The following RFX3 variants were observed in gnomAD, a reference collection of about 807,000 sequenced individuals.
The protein encoded by RFX3 is regulatory factor X3.
A neutral mutation model predicts 98.6 loss-of-function variants in RFX3; 14 were observed. The ratio of observed to expected loss-of-function variants is 0.14; its 90% CI spans 0.09 to 0.22. RFX3 has a LOEUF of 0.22. Among genes scored for constraint, RFX3 ranks in the 10% least tolerant of loss-of-function variants. The pLI is 1.00. For synonymous variants in RFX3, 383 were observed against 328.4 expected, an observed-to-expected ratio of 1.17 and a Z score of -1.80; for missense variants, 639 against 926.9, an observed-to-expected ratio of 0.69 and a Z score of 4.03.
rs150207550 is a variant in RFX3, at chr9:3,512,035, T to C, written c.-9+13712A>G. Among the ~76,000 whole-genome samples, 54 of 152,218 alleles carry C rather than the reference T, an allele frequency of 3.5e-4. 1 individual carries two copies. The East Asian group carries it at 9.1e-3, about 26-fold the overall frequency. On this transcript the variant is annotated intron_variant, in intron 1 of 16. Transcript: ENST00000617270. ...ACTCTTACGTGACTACTATGCTTTG[T>C]ATGCATGTATCGAAATATCCCTTAA...
intron 1 of RFX3, among the ~76,000 whole-genome samples, chr9:3,404,434 C>A (rs1998976): frequency 0.18 from 26,827 of 152,052 alleles, 3,917 homozygotes; most frequent in African/African-American, 0.4. Context: ...AATAAGTCAT[C>A]TATACTGAAT....
intron 1 of RFX3, among the ~76,000 whole-genome samples, chr9:3,513,301 A>G (rs1817822142): frequency 6.6e-6 from 1 of 152,172 alleles, no homozygotes; most frequent in Non-Finnish European, 1.5e-5. Context: ...CAGAATATGC[A>G]GAATATGGTG....
At chr9:3,404,515 T>C (rs943420493) in intron 1 of RFX3, among the ~76,000 whole-genome samples, 1 of 152,128 alleles carries the variant, frequency 6.6e-6, no homozygotes, top group Non-Finnish European at 1.5e-5. Flanking sequence ...TCCTTCCAAT[T>C]TGGTATGAAG....
intron 1 of RFX3, among the ~76,000 whole-genome samples, chr9:3,506,114 C>G (rs1817066611): frequency 1.3e-5 from 2 of 151,150 alleles, no homozygotes; most frequent in South Asian, 4.2e-4. Context: ...ACAAACGGCA[C>G]TAAATTCAGC....
At chr9:3,290,763 G>C (rs1478854505) in intron 6 of RFX3, among the ~76,000 whole-genome samples, 1 of 152,140 alleles carries the variant, frequency 6.6e-6, no homozygotes, top group African/African-American at 2.4e-5. Context: ...AAATGCTACA[G>C]AAAAGCAATA....
chr9:3,309,314 C>T (rs1289254921), intron 4 of RFX3, among the ~76,000 whole-genome samples: 1 of 152,060 alleles, frequency 6.6e-6, no homozygotes, highest in African/African-American at 2.4e-5. Context: ...ATATAGCAAC[C>T]CTTCTAGGAA....
intron 2 of RFX3, among the ~76,000 whole-genome samples, chr9:3,377,575 C>G (rs560140960): frequency 6.6e-6 from 1 of 152,074 alleles, no homozygotes; most frequent in African/African-American, 2.4e-5. Flanking sequence ...TACCCTAGAA[C>G]TTAAAGTATA....
At chr9:3,516,365 A>T (rs553196005) in intron 1 of RFX3, among the ~76,000 whole-genome samples, 5 of 152,342 alleles carry the variant, frequency 3.3e-5, no homozygotes, top group South Asian at 2.1e-4. Flanking sequence ...AAAATTTTTT[A>T]AAATTTAAGA....
intron 15 of RFX3, among the ~76,000 whole-genome samples, chr9:3,237,725 A>C (rs942961853): frequency 1.3e-5 from 2 of 152,232 alleles, no homozygotes; most frequent in Non-Finnish European, 1.5e-5. Flanking sequence ...GAGAAAACTA[A>C]GACTCAAGCA....
chr9:3,307,850 T>C (rs1829512100), intron 4 of RFX3, among the ~76,000 whole-genome samples: 1 of 152,242 alleles, frequency 6.6e-6, no homozygotes, highest in Non-Finnish European at 1.5e-5. Context: ...GCCTCAGTGA[T>C]ATCTCTCTTC....
intron 1 of RFX3, among the ~76,000 whole-genome samples, chr9:3,420,475 C>A (rs1261195453): frequency 6.6e-6 from 1 of 152,196 alleles, no homozygotes; most frequent in African/African-American, 2.4e-5. Flanking sequence ...AACCCCACAA[C>A]AGCCCTTTTA....
chr9:3,251,311 G>C (rs535715235), intron 14 of RFX3, among the ~76,000 whole-genome samples: 1 of 151,964 alleles, frequency 6.6e-6, no homozygotes, highest in African/African-American at 2.4e-5. Context: ...CCGGGTAGAA[G>C]TTTTTGTATT....
chr9:3,376,234 T>C (rs1280598312), intron 2 of RFX3, among the ~76,000 whole-genome samples: 5 of 152,160 alleles, frequency 3.3e-5, no homozygotes, highest in African/African-American at 4.8e-5. Context: ...ATACTGCTGG[T>C]GGGAATATAA....
intron 3 of RFX3, among the ~76,000 whole-genome samples, chr9:3,332,569 G>A (rs189179000): frequency 5.9e-5 from 9 of 152,206 alleles, no homozygotes; most frequent in African/African-American, 1.7e-4. Context: ...CTCCAACTTT[G>A]CTGCCAGGAG....
intron 4 of RFX3, among the ~76,000 whole-genome samples, chr9:3,312,998 A>C (rs1334228358): frequency 6.6e-6 from 1 of 152,242 alleles, no homozygotes; most frequent in African/African-American, 2.4e-5. Context: ...TCCCTGTCTG[A>C]CAGCTTTGAA....
chr9:3,467,671 A>G (rs187524990), intron 1 of RFX3, among the ~76,000 whole-genome samples: 143 of 152,276 alleles, frequency 9.4e-4, no homozygotes, highest in Middle Eastern at 3.4e-3. Flanking sequence ...AGAGGACAAC[A>G]AAGAGGGTGA....
At chr9:3,341,119 C>T (rs1050174234) in intron 3 of RFX3, among the ~76,000 whole-genome samples, 9 of 151,918 alleles carry the variant, frequency 5.9e-5, no homozygotes, top group Non-Finnish European at 1.2e-4. Context: ...ATGGATGAAA[C>T]TGGAAATCAT....
chr9:3,257,966 G>C (rs1449126466), intron 13 of RFX3, among the ~76,000 whole-genome samples: 2 of 152,174 alleles, frequency 1.3e-5, no homozygotes, highest in East Asian at 3.9e-4. Flanking sequence ...CTACTTTTCA[G>C]TGATTGCCAT....
chr9:3,503,301 T>C (rs77378171), intron 1 of RFX3, among the ~76,000 whole-genome samples: 2,653 of 152,250 alleles, frequency 0.017, 95 homozygotes, highest in African/African-American at 0.06. Context: ...TATATAATTG[T>C]ATAAGTTCAA....
Sources: allele counts gnomAD v4.1 joint callset (sites outside exome capture counted in the v4.1 genomes callset), GRCh38; gene constraint gnomAD v4.1.1; transcripts MANE v1.5; gene names NCBI Gene and HGNC (gene_info 2026-07-23, HGNC 2026-07-21).